The following CAMKK1 variants were observed in gnomAD, a reference collection of about 807,000 sequenced individuals.
CAMKK1 encodes the protein calcium/calmodulin-dependent protein kinase kinase 1.
CAMKK1 carries 20 observed loss-of-function variants against 63.5 expected under a neutral mutation model. The observed-to-expected ratio is 0.32, with a 90% CI of 0.22 to 0.46. The LOEUF is 0.46. CAMKK1 is among the 20% of genes least tolerant of loss of function. The pLI is 1.00. For missense variants in CAMKK1, 588 were observed against 658.1 expected, an observed-to-expected ratio of 0.89 and a Z score of 1.17; for synonymous variants, 253 against 269.0, an observed-to-expected ratio of 0.94 and a Z score of 0.58.
At chr17:3,868,605 GCTT>G (rs1049770723) in intron 14 of CAMKK1, among the ~76,000 whole-genome samples, 6 of 152,140 alleles carry the variant, frequency 3.9e-5, no homozygotes, top group African/African-American at 1.4e-4. Flanking sequence ...GGAATGAAAT[GCTT>G]CTTCCAGTCA....
intron 15 of CAMKK1, chr17:3,865,318 C>T (rs963670649): frequency 8.1e-6 from 8 of 987,336 alleles, no homozygotes; most frequent in South Asian, 4.7e-5. Flanking sequence ...GTTCCTCTCC[C>T]GTGGTCCACC....
chr17:3,880,630 GCTTT>G (rs1305135518), intron 8 of CAMKK1, among the ~76,000 whole-genome samples, 196 bp from the exon 9 acceptor site: 2 of 152,172 alleles, frequency 1.3e-5, no homozygotes, highest in Non-Finnish European at 2.9e-5. Flanking sequence ...TTTCAAATCA[GCTTT>G]CTCTTAATTT....
In CAMKK1 at chr17:3,885,386, G is replaced by A. The variant is rs746097746; in HGVS notation, c.302C>T (p.Pro101Leu). Reference protein sequence around the residue: ...YATGPASHISPRAWRRPTIES... With the variant: ...YATGPASHISLRAWRRPTIES... ...GATGGTGGGCCTCCGCCAGGCCCGG[G>A]GGGAGATGTGGCTGGCAGGCCCCGT... The change falls in exon 2 of 16, where the codon CCC (proline) becomes CTC (leucine). Residue 101 changes from proline to leucine, a missense_variant. By Grantham distance (98) the Pro-to-Leu change is moderately conservative (BLOSUM62 -3). Coordinates refer to ENST00000348335, the MANE Select transcript of CAMKK1 (RefSeq NM_032294.3). 6 of 1,611,314 alleles carry A rather than the reference G, an allele frequency of 3.7e-6. No individual in the cohort carries two copies. The East Asian group carries it at 6.7e-5, about 18-fold the overall frequency.
intron 1 of CAMKK1, 78 bp from the exon 2 acceptor site, chr17:3,885,808 G>C: frequency 7.1e-7 from 1 of 1,415,640 alleles, no homozygotes; most frequent in Non-Finnish European, 9.6e-7. Flanking sequence ...AGCGCTGTGG[G>C]TCCCACCTCC....
chr17:3,875,983 A>G (rs7212114), intron 10 of CAMKK1, among the ~76,000 whole-genome samples: 137,272 of 152,230 alleles, frequency 0.9, 62,030 homozygotes, highest in African/African-American at 0.96. Flanking sequence ...TCCACAGTCC[A>G]GTCCAGAACC....
intron 8 of CAMKK1, 43 bp from the exon 9 acceptor site, chr17:3,880,477 G>A (rs766558958): frequency 2.0e-6 from 3 of 1,530,028 alleles, no homozygotes; most frequent in East Asian, 2.3e-5. Context: ...CTGAAATCAG[G>A]GCACCCGGCC....
rs1018602286 is a variant in CAMKK1, at chr17:3,865,060, A to C, written c.1445+848T>G. ...TTCCCCAAAGCTTCCCTCCGGGGCC[A>C]GAGGAAGGCAGTGGCTGTCCCAGGA... is the stretch of plus-strand genomic sequence containing the variant. On this transcript the variant is annotated intron_variant, in intron 15 of 15. Transcript: ENST00000348335. 5.5e-6 allele frequency: 5 copies of C among 903,970 alleles called. No homozygotes were observed. In the African/African-American group the frequency reaches 9.0e-5, roughly 16 times the overall value. 56.0% of individuals were successfully genotyped at this position (903,970 alleles called of 1,614,324 possible).
rs1424756849 is a variant in CAMKK1 at position 3,890,774 on chromosome 17, C to T, written c.-44+2165G>A. The T allele has an allele frequency of 1.3e-6, 1 of 779,770 alleles. No individual in the cohort carries two copies. Among genetic ancestry groups the T allele is most frequent in the Non-Finnish European group, 2.4e-6 (1 of 417,956 alleles). 48.3% of individuals were successfully genotyped at this position (779,770 alleles called of 1,614,324 possible). On this transcript the variant is annotated intron_variant, in intron 1 of 15. Transcript: ENST00000348335. The surrounding 1 kb of genome is among the most constrained non-coding windows in gnomAD (Gnocchi z 6.5). ...GCCTCAGTACAAGCTGTGCCTTCTG[C>T]CAGGAACACACCTCCCTCTCCTCTG...
intron 1 of CAMKK1, among the ~76,000 whole-genome samples, chr17:3,891,470 G>T (rs893711393): frequency 1.3e-5 from 2 of 152,138 alleles, no homozygotes; most frequent in African/African-American, 4.8e-5. Context: ...AGGAAGGAAG[G>T]GGCAGTAGGC....
chr17:3,860,387 A>T lies in CAMKK1; in HGVS notation c.*1824T>A, dbSNP rs1400107547. 6.6e-6 allele frequency: 1 copy of T among 152,404 alleles called. No homozygotes were observed. The highest frequency in any genetic ancestry group is 2.0e-4 in the East Asian group (1 of 5,018). 9.4% of individuals were successfully genotyped at this position (152,404 alleles called of 1,614,324 possible). A position where few individuals can be genotyped will look rare whatever the true frequency, so the allele number is the denominator to read the frequency against. ...TCACTTCCTGGGAAGTTAATTTTTA[A>T]AACACTCTTATAGAGTTTGCTCATC... On this transcript the variant is annotated 3_prime_UTR_variant, in exon 16 of 16. Transcript: ENST00000348335.
chr17:3,863,687 G>A (rs538622579), intron 15 of CAMKK1, among the ~76,000 whole-genome samples: 1 of 152,224 alleles, frequency 6.6e-6, no homozygotes, highest in Non-Finnish European at 1.5e-5. Flanking sequence ...TCCAGCCTGG[G>A]CAACATGGCA....
intron 9 of CAMKK1, among the ~76,000 whole-genome samples, chr17:3,878,117 C>T (rs773004289): frequency 8.5e-5 from 13 of 152,200 alleles, no homozygotes; most frequent in Non-Finnish European, 1.8e-4. Context: ...AGCTCAGCTT[C>T]TCACATCTAT....
rs1029612645 is a variant in CAMKK1, at chr17:3,892,590, C to G, written c.-44+349G>C. ...GAGAACCGCACGTGGGTGCCCCGGG[C>G]CGGGCCCACTCCGCACAGACGTGGC... On this transcript the variant is annotated intron_variant, in intron 1 of 15. Transcript: ENST00000348335. This position sits in a 1 kb window ranked among gnomAD's most constrained non-coding sequence, Gnocchi z 7.5. 9.2e-5 allele frequency among the ~76,000 whole-genome samples: 14 copies of G among 152,332 alleles called. No homozygotes were observed. The highest frequency in any genetic ancestry group is 4.1e-4 in the South Asian group (2 of 4,834).
At chr17:3,871,347 G>GTTT (rs869219931) in intron 12 of CAMKK1, among the ~76,000 whole-genome samples, 65 of 104,336 alleles carry the variant, frequency 6.2e-4, no homozygotes, top group Admixed American at 1.0e-3. Flanking sequence ...TTTTTTTTTT[G>GTTT]TTTTTTTTTT....
At chr17:3,871,333 GTTTTTTTTTTTTTGTTTTTTTTTTT>G (rs1294501264) in intron 12 of CAMKK1, among the ~76,000 whole-genome samples, 4 of 111,006 alleles carry the variant, frequency 3.6e-5, no homozygotes, top group South Asian at 3.0e-4. Flanking sequence ...GTTGTTTTTT[GTTTTTTTTTTTTTGTTTTTTTTTTT>G]TTTTTTTTTT....
In CAMKK1 at chr17:3,871,416, A is replaced by G. The variant is rs34127733; in HGVS notation, c.1124+1138T>C. On this transcript the variant is annotated intron_variant, in intron 12 of 15. Transcript: ENST00000348335. ...GTCGCCCAGGCTGGAGTGCAGTAGC[A>G]CGGTCTCAGCTCACTGAAACCTCTG... Among the ~76,000 whole-genome samples, 219 of 131,988 alleles carry G rather than the reference A, an allele frequency of 1.7e-3. 4 individuals carry two copies. In the East Asian group the frequency reaches 0.04, roughly 24 times the overall value. The allele number at this position is 131,988 out of a possible 152,430, so 86.6% of individuals were successfully genotyped here.
rs751801764 is a variant in CAMKK1 at position 3,885,640 on chromosome 17, C to G, written c.48G>C (p.Leu16=). 6.2e-7 allele frequency: 1 copy of G among 1,613,856 alleles called. No individual in the cohort carries two copies. The highest frequency in any genetic ancestry group is 1.1e-5 in the South Asian group (1 of 91,086). ...CATCGATGGCTGCCACCCGTTCTAC[C>G]AGCTCTGCCCGAGGATCCTGGCAGC... ...AVCCQDPRAE[L]VERVAAIDVT... The change falls in exon 2 of 16, where the codon CTG becomes CTC. Residue 16 remains leucine, a synonymous_variant. Transcript: ENST00000348335.
intron 1 of CAMKK1, among the ~76,000 whole-genome samples, chr17:3,886,713 C>T (rs954078674): frequency 2.0e-5 from 3 of 152,146 alleles, no homozygotes; most frequent in African/African-American, 7.2e-5. Flanking sequence ...TGTTCTCAAA[C>T]TCACTGTGTG....
intron 12 of CAMKK1, among the ~76,000 whole-genome samples, chr17:3,871,209 G>C (rs974200453): frequency 1.3e-5 from 2 of 152,022 alleles, no homozygotes; most frequent in Non-Finnish European, 2.9e-5. Flanking sequence ...TGGCAACAAG[G>C]CCCAGAGACA....
Sources: allele counts gnomAD v4.1 joint callset (sites outside exome capture counted in the v4.1 genomes callset), GRCh38; gene constraint gnomAD v4.1.1; non-coding constraint Gnocchi (gnomAD v3.1); transcripts MANE v1.5; gene names NCBI Gene and HGNC (gene_info 2026-07-23, HGNC 2026-07-21).